Variants in RHOU observed in about 807,000 individuals in gnomAD.
The protein encoded by RHOU is rho-related GTP-binding protein RhoU.
In RHOU, 8 loss-of-function variants were observed where a neutral mutation model predicts 12.6. The ratio of observed to expected loss-of-function variants is 0.64; its 90% confidence interval spans 0.37 to 1.15. The LOEUF (loss-of-function observed/expected upper bound fraction) is 1.15. Among genes scored for constraint, RHOU ranks in the 50% most tolerant of loss-of-function variants. The probability of loss-of-function intolerance (pLI) is 0.01; values close to 1 mark genes in which losing one functional copy is unlikely to be tolerated. For missense variants in RHOU, 258 were observed against 347.0 expected (o/e 0.74, Z 2.04); for synonymous variants, 161 against 147.4 (o/e 1.09, Z -0.67).
chr1:228,695,361 A>C, the RHOU span, among the ~76,000 whole-genome samples: 2 of 152,108 alleles, frequency 1.3e-5, no homozygotes, highest in Non-Finnish European at 2.9e-5. Flanking sequence ...TCTGGGACCA[A>C]TCTCTCACAT....
the RHOU span, among the ~76,000 whole-genome samples, chr1:228,693,442 A>G: frequency 6.6e-6 from 1 of 152,174 alleles, no homozygotes; most frequent in Non-Finnish European, 1.5e-5. Context: ...CAGCTGAAAT[A>G]TAGAAGTCCC....
chr1:228,688,486 T>TA, the RHOU span, among the ~76,000 whole-genome samples: 7 of 152,168 alleles, frequency 4.6e-5, no homozygotes, highest in African/African-American at 1.4e-4. Flanking sequence ...TTGACCTCCT[T>TA]AGCATCGTGC....
the RHOU span, among the ~76,000 whole-genome samples, chr1:228,678,615 C>T: frequency 6.6e-6 from 1 of 152,038 alleles, no homozygotes; most frequent in East Asian, 1.9e-4. Flanking sequence ...CCTCTTTCAG[C>T]CCATAAAACA....
chr1:228,686,140 A>G, the RHOU span, among the ~76,000 whole-genome samples: 11 of 152,300 alleles, frequency 7.2e-5, no homozygotes, highest in African/African-American at 2.2e-4. Context: ...TAATTTTGCT[A>G]CTTATTAGAT....
the RHOU span, among the ~76,000 whole-genome samples, chr1:228,715,740 A>C: frequency 6.6e-6 from 1 of 152,016 alleles, no homozygotes; most frequent in Non-Finnish European, 1.5e-5. Context: ...GCTCTGTCTT[A>C]TTCCCAGGGG....
chr1:228,735,353 G>C (rs184377343), upstream of RHOU: 601 of 153,358 alleles, frequency 3.9e-3, 10 homozygotes, highest in Admixed American at 0.031. This position sits in a 1 kb window ranked among gnomAD's most constrained non-coding sequence, Gnocchi z 8.1. Context: ...GCGCGCAGGC[G>C]GGGGGCGCTG....
chr1:228,646,733 C>G, the RHOU span, among the ~76,000 whole-genome samples: 16 of 151,886 alleles, frequency 1.1e-4, no homozygotes, highest in Non-Finnish European at 1.5e-4. Flanking sequence ...CAAATCCACT[C>G]CCCCACACAC....
chr1:228,744,366 CTG>C lies in RHOU; in HGVS notation c.*628_*629del, dbSNP rs1195326238. 1.3e-5 allele frequency: 2 copies of C among 152,224 alleles called. No individual in the cohort carries two copies. The highest frequency in any genetic ancestry group is 2.9e-5 in the Non-Finnish European group (2 of 68,050). 9.4% of individuals were successfully genotyped at this position (152,224 alleles called of 1,614,324 possible). On this transcript the variant is annotated 3_prime_UTR_variant, in exon 3 of 3. Coordinates refer to ENST00000366691, the MANE Select transcript of RHOU (RefSeq NM_021205.6). ...AACATCCCACTGACTGTATGGCACTCTGTAGTCAAAAAAGGAAACTTCCTTAT... is the reference window on the plus strand; with the variant it reads ...AACATCCCACTGACTGTATGGCACTCTAGTCAAAAAAGGAAACTTCCTTAT...
chr1:228,684,367 T>G, the RHOU span, among the ~76,000 whole-genome samples: 33 of 152,270 alleles, frequency 2.2e-4, no homozygotes, highest in African/African-American at 7.7e-4. Context: ...GTCTCATGTG[T>G]CATCCAGGCT....
the RHOU span, among the ~76,000 whole-genome samples, chr1:228,715,071 T>C: frequency 7.2e-5 from 11 of 152,106 alleles, no homozygotes; most frequent in South Asian, 1.5e-3. Flanking sequence ...GAATTTGATT[T>C]GAAATAGATC....
the RHOU span, among the ~76,000 whole-genome samples, chr1:228,659,834 C>T: frequency 4.0e-5 from 6 of 150,208 alleles, no homozygotes; most frequent in African/African-American, 1.5e-4. Context: ...ATACAAAAAA[C>T]GTAGCCGGGT....
At chr1:228,703,525 C>G in the RHOU span, among the ~76,000 whole-genome samples, 2 of 96,356 alleles carry the variant, frequency 2.1e-5, no homozygotes, top group Non-Finnish European at 3.7e-5. Context: ...GACTCCATCT[C>G]TGAAAAAAAA....
At chr1:228,653,211 C>T in the RHOU span, among the ~76,000 whole-genome samples, 5 of 152,092 alleles carry the variant, frequency 3.3e-5, no homozygotes, top group Non-Finnish European at 5.9e-5. Context: ...GTGCGTGGCA[C>T]GATCGTGGCT....
At chr1:228,682,245 T>C in the RHOU span, among the ~76,000 whole-genome samples, 1 of 152,246 alleles carries the variant, frequency 6.6e-6, no homozygotes, top group Admixed American at 6.5e-5. Flanking sequence ...CTTGGGCTGG[T>C]TGGTCTGAGG....
the RHOU span, among the ~76,000 whole-genome samples, chr1:228,671,969 AAG>A: frequency 6.6e-6 from 1 of 152,202 alleles, no homozygotes; most frequent in Non-Finnish European, 1.5e-5. Flanking sequence ...GTATACACCA[AAG>A]AGAAAACTAT....
intron 2 of RHOU, among the ~76,000 whole-genome samples, chr1:228,739,618 G>C (rs72751913): frequency 0.012 from 1,873 of 152,308 alleles, 10 homozygotes; most frequent in East Asian, 0.028. Context: ...CATCGGACCT[G>C]CTGAAGTCAG....
chr1:228,667,772 T>C, the RHOU span, among the ~76,000 whole-genome samples: 33 of 152,270 alleles, frequency 2.2e-4, no homozygotes, highest in Non-Finnish European at 4.0e-4. Context: ...AGAACTAGAG[T>C]CATACTTGAC....
chr1:228,655,339 A>G, the RHOU span, among the ~76,000 whole-genome samples: 1 of 152,006 alleles, frequency 6.6e-6, no homozygotes, highest in African/African-American at 2.4e-5. Context: ...CCTGACCTCA[A>G]GATCCACCCA....
the RHOU span, among the ~76,000 whole-genome samples, chr1:228,654,413 GATT>G: frequency 1.3e-5 from 2 of 152,066 alleles, no homozygotes; most frequent in Non-Finnish European, 2.9e-5. Flanking sequence ...AGCATAAATG[GATT>G]TTATAAGACA....
Sources: allele counts gnomAD v4.1 joint callset (sites outside exome capture counted in the v4.1 genomes callset), GRCh38; gene constraint gnomAD v4.1.1; non-coding constraint Gnocchi (gnomAD v3.1); transcripts MANE v1.5; gene names NCBI Gene and HGNC (gene_info 2026-07-23, HGNC 2026-07-21).